SAMM50: variants seen among roughly 807,000 people sequenced by gnomAD.
The protein encoded by SAMM50 is sorting and assembly machinery component 50 homolog.
SAMM50 carries 47 observed loss-of-function variants against 66.9 expected under a neutral mutation model. The observed-to-expected ratio is 0.70, with a 90% CI of 0.56 to 0.90. The LOEUF (loss-of-function observed/expected upper bound fraction) is 0.90. Ranked by LOEUF, SAMM50 falls within the 40% of genes least tolerant of loss-of-function variation. The pLI, the probability that SAMM50 is intolerant of heterozygous loss-of-function variation, is 0.00. For synonymous variants in SAMM50, 191 were observed against 214.1 expected (o/e 0.89, Z 0.94); for missense variants, 535 against 595.3 (o/e 0.90, Z 1.05).
chr22:43,970,423 C>T (rs531828466), intron 4 of SAMM50, among the ~76,000 whole-genome samples: 5 of 152,290 alleles, frequency 3.3e-5, no homozygotes, highest in Middle Eastern at 3.4e-3. Flanking sequence ...GGCTGAGCAC[C>T]GTGTCCTCAT....
intron 10 of SAMM50, 93 bp from the exon 11 acceptor site, chr22:43,981,298 G>T: frequency 1.0e-6 from 1 of 970,036 alleles, no homozygotes; most frequent in Non-Finnish European, 1.7e-6. Flanking sequence ...TGCACGCCAC[G>T]GGCATTCAGT....
chr22:43,972,921 CT>C lies in SAMM50; in HGVS notation c.483del (p.Gln162SerfsTer29). On this transcript the variant is annotated frameshift_variant, in exon 6 of 15. Transcript: ENST00000350028. LOFTEE classifies it high-confidence loss of function. Reference protein sequence around the residue: ...NLLGRAEKVTFQFSYGTKETS... With the variant: ...NLLGRAEKVTXQFSYGTKETS... ...TTCTTGGTCGTGCAGAAAAGGTGAC[CT>C]TTCAGTTTTCCTATGGAACAAAAGA... 6.2e-7 allele frequency: 1 copy of C among 1,604,094 alleles called. No homozygotes were observed. The highest frequency in any genetic ancestry group is 8.5e-7 in the Non-Finnish European group (1 of 1,177,868).
intron 3 of SAMM50, among the ~76,000 whole-genome samples, chr22:43,968,191 C>T (rs528375928): frequency 7.7e-6 from 1 of 130,646 alleles, no homozygotes; most frequent in Non-Finnish European, 1.5e-5. Flanking sequence ...TGCACCGTTG[C>T]ACTCCAGCCT....
intron 1 of SAMM50, among the ~76,000 whole-genome samples, chr22:43,959,110 C>G (rs1394784787): frequency 6.6e-6 from 1 of 150,386 alleles, no homozygotes; most frequent in Non-Finnish European, 1.5e-5. Flanking sequence ...CTTCTGCCTC[C>G]TGGGTTCAAG....
intron 1 of SAMM50, chr22:43,957,390 G>T: frequency 2.7e-6 from 1 of 373,746 alleles, no homozygotes. Flanking sequence ...TTGTGCTCTT[G>T]AAAAAAAAAA....
chr22:43,975,374 T>A (rs2050226033), intron 7 of SAMM50: 1 of 152,244 alleles, frequency 6.6e-6, no homozygotes. Context: ...TGGGGTGACG[T>A]GGCTTCCTTG....
intron 1 of SAMM50, among the ~76,000 whole-genome samples, chr22:43,955,910 T>G (rs1181478009): frequency 6.6e-6 from 1 of 152,230 alleles, no homozygotes; most frequent in Admixed American, 6.5e-5. Context: ...TGCATGATTT[T>G]AAGTTTTCTC....
In SAMM50 at chr22:43,996,453, C is replaced by G. The variant is rs115108392; in HGVS notation, c.*70C>G. ...GGCGCCCATGCCACACACCGTCTCT[C>G]GAGGAAACGCGGTTCAGCGATTCTT... is the stretch of plus-strand genomic sequence containing the variant. On this transcript the variant is annotated 3_prime_UTR_variant, in exon 15 of 15. Coordinates refer to ENST00000350028, the MANE Select transcript of SAMM50 (RefSeq NM_015380.5). 2.1e-6 allele frequency: 3 copies of G among 1,420,038 alleles called. No individual in the cohort carries two copies. In the Admixed American group the frequency reaches 5.0e-5, roughly 24 times the overall value. The allele number at this position is 1,420,038 out of a possible 1,614,324, so 88.0% of individuals were successfully genotyped here.
chr22:43,992,760 A>G (rs1328972171), intron 14 of SAMM50, among the ~76,000 whole-genome samples: 1 of 152,054 alleles, frequency 6.6e-6, no homozygotes, highest in African/African-American at 2.4e-5. Flanking sequence ...GGAAGTGGTT[A>G]TTTTTCCTGG....
intron 12 of SAMM50, chr22:43,987,638 G>A (rs376941540): frequency 8.5e-5 from 13 of 152,190 alleles, no homozygotes; most frequent in African/African-American, 3.1e-4. Context: ...TGTACACTTA[G>A]GATGTGTATA....
In SAMM50 at chr22:43,990,310, G is replaced by A. The variant is rs1244139143; in HGVS notation, c.1268G>A (p.Arg423His). The part of the protein sequence containing the change: ...AHIRKLAECI[R>H]WSYGAGIVLR... ...ATTCGTAAGCTGGCTGAGTGCATCC[G>A]CTGGTCGTACGGGGCCGGGATTGTC... Residue 423 changes from arginine (R) to histidine (H), a missense_variant, in exon 14 of 15, where the codon CGC becomes CAC. Coordinates refer to ENST00000350028, the MANE Select transcript of SAMM50 (RefSeq NM_015380.5). 3.7e-6 allele frequency: 6 copies of A among 1,614,044 alleles called. No individual in the cohort carries two copies. Among genetic ancestry groups the A allele is most frequent in the East Asian group, 2.2e-5 (1 of 44,886 alleles).
chr22:43,978,019 C>T, intron 10 of SAMM50, 61 bp downstream of exon 10: 2 of 1,118,948 alleles, frequency 1.8e-6, no homozygotes, highest in Non-Finnish European at 2.7e-6. Flanking sequence ...GATCTTACCA[C>T]AGAATCTTAG....
intron 11 of SAMM50, among the ~76,000 whole-genome samples, chr22:43,982,105 A>C (rs1467323380): frequency 6.6e-6 from 1 of 152,024 alleles, no homozygotes; most frequent in African/African-American, 2.4e-5. Flanking sequence ...GGGCAAAAAA[A>C]CTTTTTTTTC....
intron 1 of SAMM50, among the ~76,000 whole-genome samples, chr22:43,957,966 G>T (rs112153843): frequency 1.5e-3 from 228 of 151,814 alleles, no homozygotes; most frequent in African/African-American, 5.3e-3. Context: ...TGTTAGCTAG[G>T]ATGGTCTCGA....
At chr22:43,988,677 T>C (rs1447525019) in intron 12 of SAMM50, 1 of 154,776 alleles carries the variant, frequency 6.5e-6, no homozygotes, top group Non-Finnish European at 1.4e-5. Context: ...TGCAGCTGTC[T>C]CCACACACTG....
chr22:43,955,458 G>C lies in SAMM50; in HGVS notation c.-120G>C, dbSNP rs1287795615. On this transcript the variant is annotated 5_prime_UTR_variant, in exon 1 of 15. Coordinates refer to ENST00000350028, the MANE Select transcript of SAMM50 (RefSeq NM_015380.5). ...GCCGCCCCCAGTGTTCCGCGTCCGGGGGTTTGTGGGAGTTGCCTTGACCTG... is the reference window on the plus strand; with the variant it reads ...GCCGCCCCCAGTGTTCCGCGTCCGGCGGTTTGTGGGAGTTGCCTTGACCTG... 10 of 1,177,226 alleles carry C rather than the reference G, an allele frequency of 8.5e-6. No individual in the cohort carries two copies. Among genetic ancestry groups the C allele is most frequent in the African/African-American group, 1.5e-5 (1 of 65,844 alleles). The allele number at this position is 1,177,226 out of a possible 1,614,324, so 72.9% of individuals were successfully genotyped here. A position where few individuals can be genotyped will look rare whatever the true frequency, so the allele number is the denominator to read the frequency against.
chr22:43,969,294 AT>A (rs1333567676), intron 4 of SAMM50, among the ~76,000 whole-genome samples: 6 of 152,138 alleles, frequency 3.9e-5, no homozygotes, highest in African/African-American at 1.4e-4. Context: ...AGGGAATCCA[AT>A]TTCCATTTTA....
chr22:43,962,339 A>G (rs1366462649), intron 1 of SAMM50, among the ~76,000 whole-genome samples: 1 of 152,220 alleles, frequency 6.6e-6, no homozygotes, highest in East Asian at 1.9e-4. Context: ...TGTAAAGTCA[A>G]AAAACTGTAA....
intron 1 of SAMM50, among the ~76,000 whole-genome samples, chr22:43,961,141 G>A (rs1173949683): frequency 2.0e-5 from 3 of 152,192 alleles, no homozygotes; most frequent in African/African-American, 7.2e-5. Context: ...TAGCCCAGAG[G>A]CCCCACTGCT....
Sources: allele counts gnomAD v4.1 joint callset (sites outside exome capture counted in the v4.1 genomes callset), GRCh38; gene constraint gnomAD v4.1.1; transcripts MANE v1.5; gene names NCBI Gene and HGNC (gene_info 2026-07-23, HGNC 2026-07-21).